The following ROBO1 variants were observed in gnomAD, a reference collection of about 807,000 sequenced individuals.
ROBO1 encodes roundabout homolog 1.
ROBO1 carries 149 observed loss-of-function variants against 195.9 expected under a neutral mutation model. The observed-to-expected ratio is 0.76, with a 90% CI of 0.67 to 0.87. The LOEUF is 0.87. Ranked by LOEUF, ROBO1 falls within the 40% of genes least tolerant of loss-of-function variation. The pLI is 0.00. For missense variants in ROBO1, 1,933 were observed against 2,068.3 expected (o/e 0.93, Z 1.27); for synonymous variants, 816 against 733.2 (o/e 1.11, Z -1.82).
intron 3 of ROBO1, among the ~76,000 whole-genome samples, chr3:79,050,721 A>G (rs868693864): frequency 6.6e-6 from 1 of 152,214 alleles, no homozygotes; most frequent in South Asian, 2.1e-4. Context: ...CTCAGACCAC[A>G]GTGCAATCAA....
At chr3:79,313,086 C>A (rs1381471612) in intron 2 of ROBO1, among the ~76,000 whole-genome samples, 2 of 151,034 alleles carry the variant, frequency 1.3e-5, no homozygotes, top group African/African-American at 4.9e-5. Flanking sequence ...ACTCGGGAGG[C>A]TGAGGCAGGA....
At chr3:79,429,789 G>T (rs919487777) in intron 2 of ROBO1, among the ~76,000 whole-genome samples, 1 of 152,062 alleles carries the variant, frequency 6.6e-6, no homozygotes, top group Non-Finnish European at 1.5e-5. Flanking sequence ...ATGCCCATTA[G>T]TTTCTTTACC....
At chr3:79,101,596 T>A (rs891202984) in intron 3 of ROBO1, among the ~76,000 whole-genome samples, 1 of 151,754 alleles carries the variant, frequency 6.6e-6, no homozygotes, top group African/African-American at 2.4e-5. Context: ...ACCGTTTTCT[T>A]TGGGGTTTTA....
At chr3:79,353,337 A>G (rs2035418352) in intron 2 of ROBO1, among the ~76,000 whole-genome samples, 1 of 152,116 alleles carries the variant, frequency 6.6e-6, no homozygotes. Context: ...AGAGGAAAAA[A>G]TAATTCTGAT....
At chr3:79,301,519 T>C (rs2032955519) in intron 2 of ROBO1, among the ~76,000 whole-genome samples, 1 of 152,216 alleles carries the variant, frequency 6.6e-6, no homozygotes, top group African/African-American at 2.4e-5. Flanking sequence ...AGGTGAATGC[T>C]TACTTCCAGT....
intron 1 of ROBO1, among the ~76,000 whole-genome samples, chr3:79,634,952 A>T (rs1483427315): frequency 1.3e-5 from 2 of 152,214 alleles, no homozygotes; most frequent in Non-Finnish European, 2.9e-5. Flanking sequence ...GGAACTTAAT[A>T]TGTATCAGGG....
intron 1 of ROBO1, among the ~76,000 whole-genome samples, chr3:79,689,070 ACG>A: frequency 6.6e-6 from 1 of 151,938 alleles, no homozygotes; most frequent in Non-Finnish European, 1.5e-5. Context: ...CTTACTGAAC[ACG>A]CGTTTTTTAT....
intron 4 of ROBO1, among the ~76,000 whole-genome samples, chr3:78,913,850 C>T (rs146812365): frequency 3.8e-4 from 58 of 152,162 alleles, no homozygotes; most frequent in Admixed American, 1.0e-3. Flanking sequence ...AAGACAGAGC[C>T]CTTTTATGTG....
chr3:79,515,501 G>A (rs114338478), intron 2 of ROBO1, among the ~76,000 whole-genome samples: 1,905 of 152,272 alleles, frequency 0.013, 31 homozygotes, highest in Middle Eastern at 0.048. Flanking sequence ...CTGCTGAGCA[G>A]ACGTTCCTTT....
rs72904731 is a variant in ROBO1, at chr3:78,603,041, C to A, written c.4745-2732G>T. Among the ~76,000 whole-genome samples the A allele has an allele frequency of 5.7e-3, 860 of 152,198 alleles. 6 individuals carry two copies. Among genetic ancestry groups the A allele is most frequent in the African/African-American group, 0.019 (788 of 41,546 alleles). On this transcript the variant is annotated intron_variant, in intron 29 of 30. Transcript: ENST00000464233. ...AAGTTTCTTGGATTTTCTGAGTCAC[C>A]CATTCTTGCTCCTATAACATGGTTT... is the stretch of plus-strand genomic sequence containing the variant.
chr3:79,638,679 G>A (rs530173952), intron 1 of ROBO1, among the ~76,000 whole-genome samples: 10 of 152,262 alleles, frequency 6.6e-5, no homozygotes, highest in African/African-American at 2.4e-4. Flanking sequence ...AGAGAATCAA[G>A]GACTGTCTGA....
intron 2 of ROBO1, among the ~76,000 whole-genome samples, chr3:79,552,602 A>G (rs1230377177): frequency 1.3e-5 from 2 of 152,164 alleles, no homozygotes; most frequent in Non-Finnish European, 2.9e-5. Flanking sequence ...CCATGTGGAA[A>G]CACTTTAATG....
At chr3:79,746,537 A>T (rs1357868904) in intron 1 of ROBO1, among the ~76,000 whole-genome samples, 2 of 152,214 alleles carry the variant, frequency 1.3e-5, no homozygotes, top group Admixed American at 1.3e-4. Flanking sequence ...TGACCAATTT[A>T]TAACAACAGT....
intron 4 of ROBO1, among the ~76,000 whole-genome samples, chr3:78,837,595 C>T (rs162877): frequency 0.059 from 9,021 of 151,936 alleles, 314 homozygotes; most frequent in Middle Eastern, 0.11. Flanking sequence ...GAATAAATGG[C>T]AAAACTATCA....
At chr3:79,549,051 T>G (rs1249078837) in intron 2 of ROBO1, among the ~76,000 whole-genome samples, 1 of 152,204 alleles carries the variant, frequency 6.6e-6, no homozygotes, top group Non-Finnish European at 1.5e-5. Context: ...GCACTTTAGG[T>G]AGGATTTCGG....
chr3:79,696,139 T>C (rs1179725864), intron 1 of ROBO1, among the ~76,000 whole-genome samples: 1 of 151,470 alleles, frequency 6.6e-6, no homozygotes, highest in Admixed American at 6.6e-5. Flanking sequence ...ATTTTTGCTT[T>C]CTACATATTT....
rs140673753 is a variant in ROBO1, at chr3:79,278,149, T to G, written c.89-152610A>C. The stretch of plus-strand genomic sequence containing the variant: ...TTCAAAGAAAACTATAAAACACTGA[T>G]GAAATTAATTGAAGAGTGTACAAAC... On this transcript the variant is annotated intron_variant, in intron 2 of 30. Transcript: ENST00000464233. Among the ~76,000 whole-genome samples the G allele has an allele frequency of 4.6e-5, 7 of 152,120 alleles. No individual in the cohort carries two copies. In the East Asian group the frequency reaches 1.4e-3, roughly 29 times the overall value.
intron 1 of ROBO1, among the ~76,000 whole-genome samples, chr3:79,705,367 G>T (rs1947736849): frequency 7.4e-6 from 1 of 135,592 alleles, no homozygotes; most frequent in African/African-American, 2.8e-5. Flanking sequence ...TACAGTCTCT[G>T]TCTAGATTTA....
At chr3:79,028,631 T>G (rs2078242782) in intron 3 of ROBO1, among the ~76,000 whole-genome samples, 1 of 151,990 alleles carries the variant, frequency 6.6e-6, no homozygotes, top group Admixed American at 6.6e-5. Flanking sequence ...CCACAATTTA[T>G]TAAATTACTC....
Sources: allele counts gnomAD v4.1 joint callset (sites outside exome capture counted in the v4.1 genomes callset), GRCh38; gene constraint gnomAD v4.1.1; transcripts MANE v1.5; gene names NCBI Gene and HGNC (gene_info 2026-07-23, HGNC 2026-07-21).